The following LRBA variants were observed in gnomAD, a reference collection of about 807,000 sequenced individuals.
LRBA encodes lipopolysaccharide-responsive and beige-like anchor protein.
In LRBA, 176 loss-of-function variants were observed where a neutral mutation model predicts 330.0. The ratio of observed to expected loss-of-function variants is 0.53; its 90% CI spans 0.47 to 0.60. The LOEUF (loss-of-function observed/expected upper bound fraction) is 0.60. Among genes scored for constraint, LRBA ranks in the 20% least tolerant of loss-of-function variants. The probability of loss-of-function intolerance (pLI) is 0.00; values close to 1 mark genes in which losing one functional copy is unlikely to be tolerated. For synonymous variants in LRBA, 1,230 were observed against 1,193.0 expected, an observed-to-expected ratio of 1.03 and a Z score of -0.64; for missense variants, 3,259 against 3,444.8, an observed-to-expected ratio of 0.95 and a Z score of 1.35.
chr4:150,581,235 C>A, intron 40 of LRBA: 2 of 348,362 alleles, frequency 5.7e-6, no homozygotes, highest in South Asian at 4.6e-5. Flanking sequence ...AATTATCAAA[C>A]AAGGTGCTTG....
At chr4:150,707,567 A>T (rs1785753792) in intron 36 of LRBA, among the ~76,000 whole-genome samples, 1 of 151,698 alleles carries the variant, frequency 6.6e-6, no homozygotes, top group Admixed American at 6.6e-5. Context: ...ACCACTGTAT[A>T]TATAATTAGT....
intron 40 of LRBA, among the ~76,000 whole-genome samples, chr4:150,504,741 C>T (rs138460357): frequency 1.4e-3 from 218 of 152,206 alleles, no homozygotes; most frequent in Non-Finnish European, 2.3e-3. Flanking sequence ...TCACACATAA[C>T]GACATTAACT....
At chr4:150,317,733 T>C (rs1731902255) in intron 50 of LRBA, among the ~76,000 whole-genome samples, 1 of 152,112 alleles carries the variant, frequency 6.6e-6, no homozygotes, top group Admixed American at 6.6e-5. Context: ...GTCAGTGAAA[T>C]GGGTTTAAGG....
At chr4:150,409,092 G>C (rs896330575) in intron 47 of LRBA, among the ~76,000 whole-genome samples, 2 of 151,988 alleles carry the variant, frequency 1.3e-5, no homozygotes, top group African/African-American at 4.8e-5. Context: ...TACTGGAGTA[G>C]GGTGAGTCCT....
chr4:150,916,166 T>A (rs1442557304), intron 7 of LRBA, among the ~76,000 whole-genome samples: 5 of 152,196 alleles, frequency 3.3e-5, no homozygotes, highest in African/African-American at 1.2e-4. Flanking sequence ...CTAAAATAAA[T>A]GCCGTAGATA....
chr4:150,412,746 T>C (rs1054234437), intron 47 of LRBA, among the ~76,000 whole-genome samples: 1 of 151,910 alleles, frequency 6.6e-6, no homozygotes, highest in African/African-American at 2.4e-5. Flanking sequence ...AAATTTCAAG[T>C]CATATTTGAG....
chr4:150,665,856 A>G (rs940914173), intron 37 of LRBA, among the ~76,000 whole-genome samples: 1 of 152,244 alleles, frequency 6.6e-6, no homozygotes, highest in African/African-American at 2.4e-5. Context: ...ACATCTAAGA[A>G]CTATATGAGG....
intron 36 of LRBA, among the ~76,000 whole-genome samples, chr4:150,692,684 T>A (rs1010793721): frequency 1.3e-5 from 2 of 152,088 alleles, no homozygotes; most frequent in African/African-American, 4.8e-5. Flanking sequence ...AACATGTACT[T>A]CACAAAAGTA....
chr4:150,510,841 ATTATT>A (rs928515513), intron 40 of LRBA, among the ~76,000 whole-genome samples: 1 of 151,762 alleles, frequency 6.6e-6, no homozygotes, highest in Non-Finnish European at 1.5e-5. Context: ...TTTATTTTTT[ATTATT>A]TTATTTATTT....
At chr4:150,809,854 CGATACGAT>C (rs1743371258) in intron 31 of LRBA, among the ~76,000 whole-genome samples, 4 of 6,052 alleles carry the variant, frequency 6.6e-4, no homozygotes, top group African/African-American at 1.8e-3. Context: ...TCTTAAAATA[CGATACGAT>C]ACGATACGAT....
intron 55 of LRBA, among the ~76,000 whole-genome samples, 181 bp from the exon 56 acceptor site, chr4:150,278,185 C>T (rs575722307): frequency 4.6e-5 from 7 of 152,276 alleles, no homozygotes; most frequent in African/African-American, 7.2e-5. Context: ...ACCAAATGGA[C>T]AAAGTTCATC....
At chr4:150,269,454 C>G (rs149019405) in intron 56 of LRBA, among the ~76,000 whole-genome samples, 1,621 of 152,226 alleles carry the variant, frequency 0.011, 24 homozygotes, top group African/African-American at 0.037. Context: ...AAGGTGGACT[C>G]TTACCTACCA....
chr4:150,387,536 A>T (rs2151901668), intron 47 of LRBA, among the ~76,000 whole-genome samples: 1 of 152,326 alleles, frequency 6.6e-6, no homozygotes, highest in South Asian at 2.1e-4. Flanking sequence ...CATCAGGGTT[A>T]TTAAGGTATT....
intron 2 of LRBA, among the ~76,000 whole-genome samples, chr4:151,011,276 T>G (rs1286478708): frequency 2.6e-5 from 4 of 152,100 alleles, no homozygotes; most frequent in Non-Finnish European, 5.9e-5. Flanking sequence ...CTTGTTCAAT[T>G]TTAACAGTAT....
At chr4:150,437,010 G>T in intron 44 of LRBA, 146 bp from the exon 45 acceptor site, 1 of 696,944 alleles carries the variant, frequency 1.4e-6, no homozygotes, top group Non-Finnish European at 2.4e-6. Context: ...TATCATATTG[G>T]GAGTAAAAAG....
chr4:150,887,087 T>A (rs1241148242), intron 17 of LRBA, among the ~76,000 whole-genome samples: 1 of 152,196 alleles, frequency 6.6e-6, no homozygotes, highest in Non-Finnish European at 1.5e-5. Flanking sequence ...TATCACAATA[T>A]TGCATATAAT....
chr4:150,306,832 C>T (rs911931903), intron 52 of LRBA, among the ~76,000 whole-genome samples: 1 of 152,104 alleles, frequency 6.6e-6, no homozygotes, highest in Non-Finnish European at 1.5e-5. Flanking sequence ...ACAAAGTGTG[C>T]TACATTTAAA....
At chr4:150,877,054 C>A (rs1320460506) in intron 17 of LRBA, among the ~76,000 whole-genome samples, 1 of 151,908 alleles carries the variant, frequency 6.6e-6, no homozygotes, top group African/African-American at 2.4e-5. Flanking sequence ...GAGATCGAGA[C>A]CATCCTGGCT....
At position 150,487,836 on chromosome 4, in the gene LRBA, TAC is replaced by T; in HGVS notation, c.6449-4_6449-3del. On this transcript the variant is annotated splice_region_variant and splice_polypyrimidine_tract_variant and intron_variant, in intron 41 of 56. Coordinates refer to ENST00000651943, the MANE Select transcript of LRBA (RefSeq NM_001364905.1). Reference sequence around the variant, plus strand: ...CTGGGAAGTTGAACATCACAGCAACTACAACAGATGATTTTTAAAAATTAGAA... The same window carrying T: ...CTGGGAAGTTGAACATCACAGCAACTAACAGATGATTTTTAAAAATTAGAA... The T allele has an allele frequency of 6.5e-7, 1 of 1,530,602 alleles. No individual in the cohort carries two copies. The highest frequency in any genetic ancestry group is 9.0e-7 in the Non-Finnish European group (1 of 1,114,404). The allele number at this position is 1,530,602 out of a possible 1,614,324, so 94.8% of individuals were successfully genotyped here.
Sources: gnomAD v4.1 joint callset for allele counts (sites outside exome capture counted in the v4.1 genomes callset) on GRCh38, gnomAD v4.1.1 for gene constraint, MANE v1.5 for transcripts, NCBI Gene and HGNC (gene_info 2026-07-23, HGNC 2026-07-21) for gene names.